Variants in SMYD3 observed in about 807,000 individuals in gnomAD.
SMYD3 encodes the protein SET and MYND domain containing 3.
In SMYD3, 36 loss-of-function variants were observed where a neutral mutation model predicts 57.7. The observed-to-expected ratio is 0.62, with a 90% CI of 0.48 to 0.82. The LOEUF (loss-of-function observed/expected upper bound fraction) is 0.82. Ranked by LOEUF, SMYD3 falls within the 40% of genes least tolerant of loss-of-function variation. The pLI is 0.00. For missense variants in SMYD3, 515 were observed against 538.8 expected, an observed-to-expected ratio of 0.96 and a Z score of 0.44; for synonymous variants, 211 against 195.0, an observed-to-expected ratio of 1.08 and a Z score of -0.68.
At chr1:246,271,638 G>A (rs970875246) in intron 5 of SMYD3, among the ~76,000 whole-genome samples, 12 of 152,108 alleles carry the variant, frequency 7.9e-5, no homozygotes, top group Admixed American at 2.0e-4. Flanking sequence ...GGACTTTCCC[G>A]TTGATTCCAT....
At chr1:245,774,934 C>A (rs1363438694) in intron 10 of SMYD3, among the ~76,000 whole-genome samples, 3 of 152,154 alleles carry the variant, frequency 2.0e-5, no homozygotes, top group African/African-American at 7.2e-5. Flanking sequence ...AGCTCCTAAC[C>A]GCGAGTGATC....
chr1:246,334,175 G>A (rs544314772), intron 3 of SMYD3, among the ~76,000 whole-genome samples: 9 of 152,144 alleles, frequency 5.9e-5, no homozygotes, highest in Non-Finnish European at 1.2e-4. Context: ...ATTTCTCAAA[G>A]AGTTACCATT....
chr1:246,248,631 C>T (rs1169809013), intron 5 of SMYD3, among the ~76,000 whole-genome samples: 2 of 119,272 alleles, frequency 1.7e-5, no homozygotes, highest in Non-Finnish European at 3.3e-5. Flanking sequence ...AGCTCTCTGA[C>T]TTTCCTTTTT....
intron 8 of SMYD3, among the ~76,000 whole-genome samples, chr1:245,870,787 T>C (rs1395120621): frequency 1.3e-5 from 2 of 151,930 alleles, no homozygotes; most frequent in African/African-American, 4.8e-5. Flanking sequence ...CCAGCCAGGC[T>C]AGCTGAGTAT....
At chr1:246,426,311 A>G (rs1414551772) in intron 1 of SMYD3, among the ~76,000 whole-genome samples, 3 of 152,178 alleles carry the variant, frequency 2.0e-5, no homozygotes, top group Admixed American at 6.5e-5. Context: ...GGGTTGAAGT[A>G]TATTTAGAGA....
intron 2 of SMYD3, among the ~76,000 whole-genome samples, chr1:246,348,059 G>A (rs115922821): frequency 1.1e-4 from 5 of 46,154 alleles, no homozygotes; most frequent in African/African-American, 4.2e-4. Context: ...TAAAGAAAAC[G>A]TTATATATAT....
intron 10 of SMYD3, among the ~76,000 whole-genome samples, chr1:245,805,126 AG>A (rs1325079841): frequency 2.0e-5 from 3 of 152,062 alleles, no homozygotes; most frequent in Non-Finnish European, 4.4e-5. Context: ...CCTGGGTAAA[AG>A]AAAATAGAAT....
chr1:246,299,394 G>A (rs565198525), intron 5 of SMYD3, among the ~76,000 whole-genome samples: 14 of 152,198 alleles, frequency 9.2e-5, no homozygotes, highest in East Asian at 1.9e-4. Flanking sequence ...ACTGTTGGTC[G>A]GAGTGTAGGT....
rs78494483 is a variant in SMYD3 at position 245,836,647 on chromosome 1, T to G, written c.1076+21849A>C. Among the ~76,000 whole-genome samples the G allele has an allele frequency of 6.1e-3, 922 of 152,270 alleles. 25 individuals are homozygous for G. In the East Asian group the frequency reaches 0.082, roughly 14 times the overall value. ...ATGAAAGCTGGCCTTGCTTGTGGCA[T>G]CCATTCTTCAGGGCTTGTACCTGCT... is the stretch of plus-strand genomic sequence containing the variant. On this transcript the variant is annotated intron_variant, in intron 10 of 11. Coordinates refer to ENST00000490107, the MANE Select transcript of SMYD3 (RefSeq NM_001167740.2).
intron 8 of SMYD3, among the ~76,000 whole-genome samples, chr1:245,896,136 T>G (rs1484871503): frequency 6.6e-6 from 1 of 152,164 alleles, no homozygotes; most frequent in Non-Finnish European, 1.5e-5. Flanking sequence ...ATAGATCCCC[T>G]GCTCCACAGA....
At chr1:246,439,001 C>T (rs868391618) in intron 1 of SMYD3, among the ~76,000 whole-genome samples, 7 of 151,072 alleles carry the variant, frequency 4.6e-5, no homozygotes, top group Middle Eastern at 3.4e-3. Context: ...GGAGTGGTAC[C>T]GGTCCTCGGC....
intron 5 of SMYD3, among the ~76,000 whole-genome samples, chr1:246,118,061 G>A (rs180978228): frequency 2.6e-5 from 4 of 152,194 alleles, no homozygotes; most frequent in East Asian, 1.9e-4. Flanking sequence ...TAGTGATTCC[G>A]AAAATGCTCA....
chr1:245,920,860 C>T (rs2055872723), intron 7 of SMYD3, among the ~76,000 whole-genome samples: 1 of 152,138 alleles, frequency 6.6e-6, no homozygotes, highest in Admixed American at 6.5e-5. Flanking sequence ...CTAAGAAACA[C>T]CATTCTGGAC....
At chr1:245,962,021 G>A (rs1442719207) in intron 5 of SMYD3, among the ~76,000 whole-genome samples, 3 of 152,138 alleles carry the variant, frequency 2.0e-5, no homozygotes, top group African/African-American at 7.2e-5. Context: ...GGCAAACTGA[G>A]GCTCAGAGCA....
At chr1:246,023,350 A>G (rs1398476828) in intron 5 of SMYD3, among the ~76,000 whole-genome samples, 1 of 152,226 alleles carries the variant, frequency 6.6e-6, no homozygotes, top group Admixed American at 6.5e-5. Context: ...ATGAGATAAT[A>G]TAGCTAGCTC....
In SMYD3 at chr1:245,846,241, A is replaced by T. The variant is rs112789092; in HGVS notation, c.1076+12255T>A. Among the ~76,000 whole-genome samples, 421 of 152,326 alleles carry T rather than the reference A, an allele frequency of 2.8e-3. 4 individuals are homozygous for T. Among genetic ancestry groups the T allele is most frequent in the African/African-American group, 9.5e-3 (395 of 41,572 alleles). The stretch of plus-strand genomic sequence containing the variant: ...CAAGAAAGCAAAGGAGCCAGACGTC[A>T]GTCCGACGGCCCAGACTGCATCCCT... On this transcript the variant is annotated intron_variant, in intron 10 of 11. Transcript: ENST00000490107.
intron 5 of SMYD3, among the ~76,000 whole-genome samples, chr1:246,239,206 T>C (rs1014404594): frequency 6.6e-6 from 1 of 152,216 alleles, no homozygotes; most frequent in African/African-American, 2.4e-5. Flanking sequence ...CATTAACTCA[T>C]CATTTACATT....
intron 5 of SMYD3, among the ~76,000 whole-genome samples, chr1:246,032,256 C>A (rs1002436043): frequency 5.3e-5 from 8 of 152,122 alleles, no homozygotes; most frequent in African/African-American, 1.9e-4. Context: ...CTGTAGATTA[C>A]AGGAAGGGGC....
intron 1 of SMYD3, among the ~76,000 whole-genome samples, chr1:246,439,990 T>C (rs979883563): frequency 1.3e-5 from 2 of 152,192 alleles, no homozygotes; most frequent in African/African-American, 4.8e-5. Context: ...TGATGATATT[T>C]CTATGATCAG....
Sources: allele counts gnomAD v4.1 joint callset (sites outside exome capture counted in the v4.1 genomes callset), GRCh38; gene constraint gnomAD v4.1.1; transcripts MANE v1.5; gene names NCBI Gene and HGNC (gene_info 2026-07-23, HGNC 2026-07-21).